MICAL3: variants seen among roughly 807,000 people sequenced by gnomAD.
The protein encoded by MICAL3 is [F-actin]-monooxygenase MICAL3.
Under a neutral mutation model 207.4 loss-of-function variants are expected in MICAL3, and 62 were observed. The observed-to-expected ratio is 0.30, with a 90% CI of 0.24 to 0.37. The LOEUF (loss-of-function observed/expected upper bound fraction) is 0.37. Ranked by LOEUF, MICAL3 falls within the 10% of genes least tolerant of loss-of-function variation. The pLI is 1.00. For synonymous variants in MICAL3, 1,077 were observed against 1,069.3 expected (o/e 1.01, Z -0.14); for missense variants, 2,368 against 2,635.6 (o/e 0.90, Z 2.22).
At chr22:17,899,592 G>T (rs543506229) in intron 6 of MICAL3, 44 bp from the exon 7 acceptor site, 41 of 1,287,300 alleles carry the variant, frequency 3.2e-5, no homozygotes, top group Admixed American at 5.8e-5. Context: ...TTGCTGAGAT[G>T]AAGGTGCATC....
intron 19 of MICAL3, among the ~76,000 whole-genome samples, chr22:17,849,688 ATTTT>A (rs57344653): frequency 3.5e-3 from 127 of 36,282 alleles, no homozygotes; most frequent in African/African-American, 0.013. Flanking sequence ...GTGTGTGTGT[ATTTT>A]TTTTTTTTTT....
Position 17,889,095 on chromosome 22 carries a change from C to G in MICAL3, c.1830G>C (p.Leu610=). 6.2e-7 allele frequency: 1 copy of G among 1,613,776 alleles called. No homozygotes were observed. Residue 610 remains leucine, a synonymous_variant, in exon 13 of 32, where the codon CTG becomes CTC. Transcript: ENST00000441493. The stretch of plus-strand genomic sequence containing the variant: ...ACTGAGTCAGGTACATCACCATGGA[C>G]AGCTTATCAGGCTCCCCCACGGAGG... ...EMASVGEPDK[L]SMVMYLTQFY...
At chr22:17,974,299 AT>A (rs1935540001) in intron 1 of MICAL3, among the ~76,000 whole-genome samples, 1 of 152,214 alleles carries the variant, frequency 6.6e-6, no homozygotes, top group South Asian at 2.1e-4. Context: ...AAGTGATGGT[AT>A]GTACAGCAGA....
chr22:17,882,085 G>A (rs959819924), intron 16 of MICAL3, among the ~76,000 whole-genome samples: 1 of 152,168 alleles, frequency 6.6e-6, no homozygotes, highest in Non-Finnish European at 1.5e-5. Context: ...GAGGTCTGGG[G>A]AAACAGCCCC....
intron 25 of MICAL3, among the ~76,000 whole-genome samples, chr22:17,820,483 T>C (rs1921453750): frequency 6.6e-6 from 1 of 152,110 alleles, no homozygotes; most frequent in African/African-American, 2.4e-5. Flanking sequence ...GCCTCCTGAG[T>C]AGCTGGGACT....
At chr22:17,999,091 C>T (rs11703382) in intron 1 of MICAL3, among the ~76,000 whole-genome samples, 48,016 of 152,004 alleles carry the variant, frequency 0.32, 9,197 homozygotes, top group African/African-American at 0.54. Context: ...GGGCCACTTC[C>T]CAGAAGCCAG....
chr22:17,970,229 G>C (rs61451998), intron 1 of MICAL3, among the ~76,000 whole-genome samples: 67 of 152,306 alleles, frequency 4.4e-4, no homozygotes, highest in African/African-American at 1.5e-3. Flanking sequence ...ACTGTCCCCC[G>C]CCCATGTTGT....
intron 25 of MICAL3, 88 bp from the exon 26 acceptor site, chr22:17,819,217 C>G: frequency 7.5e-7 from 1 of 1,325,940 alleles, no homozygotes; most frequent in Non-Finnish European, 9.8e-7. Context: ...CTCAAAGTGC[C>G]TGCACCTGTG....
intron 1 of MICAL3, among the ~76,000 whole-genome samples, chr22:17,942,711 T>A (rs1933869488): frequency 6.6e-6 from 1 of 152,156 alleles, no homozygotes; most frequent in Admixed American, 6.5e-5. Context: ...CAGCTATAGA[T>A]GACAAGCACC....
At position 17,895,308 on chromosome 22, in the gene MICAL3, G is replaced by A. The variant is rs752542950; in HGVS notation, c.1425C>T (p.Asn475=). 6.8e-6 allele frequency: 11 copies of A among 1,613,634 alleles called. No homozygotes were observed. Among genetic ancestry groups the A allele is most frequent in the East Asian group, 2.2e-5 (1 of 44,892 alleles). ...IDPVTRYPNI[N]VNFLRPSQVR... is the part of the protein sequence containing the mutation. The stretch of plus-strand genomic sequence containing the variant: ...CCTGGCTTGGCCGGAGGAAGTTGAC[G>A]TTGATATTGGGATACCGAGTGACAG... Residue 475 remains asparagine (N), a synonymous_variant, in exon 10 of 32, where the codon AAC becomes AAT. Transcript: ENST00000441493.
At chr22:17,799,221 A>G (rs2061911147) in intron 29 of MICAL3, among the ~76,000 whole-genome samples, 2 of 152,110 alleles carry the variant, frequency 1.3e-5, no homozygotes, top group Admixed American at 6.5e-5. Flanking sequence ...CGTCTCTACT[A>G]AAAACACAAA....
chr22:17,863,847 C>A (rs1926780308), intron 19 of MICAL3: 2 of 985,378 alleles, frequency 2.0e-6, no homozygotes, highest in Non-Finnish European at 2.4e-6. Flanking sequence ...AATTCTATGA[C>A]CAACTCCTCC....
rs1373919614 is a variant in MICAL3, at chr22:17,817,359, C to A, written c.5302G>T (p.Ala1768Ser). 6.2e-7 allele frequency: 1 copy of A among 1,610,840 alleles called. No homozygotes were observed. The highest frequency in any genetic ancestry group is 1.1e-5 in the South Asian group (1 of 90,676). ...CTGTGCTTTCCAGAGTCCACCGTGGCCCCGCTGGAGGGGGTGCTGGGGCAG... is the reference window on the plus strand; with the variant it reads ...CTGTGCTTTCCAGAGTCCACCGTGGACCCGCTGGAGGGGGTGCTGGGGCAG... ...KSCPSTPSSG[A>S]TVDSGKHRVL... Residue 1768 changes from alanine to serine, a missense_variant, in exon 26 of 32, where the codon GCC (alanine) becomes TCC (serine). Physicochemically the swap from Ala to Ser is moderately conservative, Grantham distance 99. Around this residue, in one of 4 missense-constraint regions of MICAL3, gnomAD observed 1,770 missense variants for 1,863.2 expected, o/e 0.95. Transcript: ENST00000441493.
chr22:17,880,500 C>G (rs117082499), intron 16 of MICAL3, among the ~76,000 whole-genome samples: 1 of 152,210 alleles, frequency 6.6e-6, no homozygotes, highest in Non-Finnish European at 1.5e-5. Flanking sequence ...CACGTTAATA[C>G]GGTCACACTT....
chr22:17,802,154 C>T (rs1425850559), intron 29 of MICAL3, among the ~76,000 whole-genome samples: 1 of 151,926 alleles, frequency 6.6e-6, no homozygotes, highest in African/African-American at 2.4e-5. Context: ...CCTCAAACTC[C>T]TGGGCTCATG....
chr22:17,897,751 G>A (rs189458752), intron 7 of MICAL3, among the ~76,000 whole-genome samples: 1 of 152,218 alleles, frequency 6.6e-6, no homozygotes, highest in Non-Finnish European at 1.5e-5. Flanking sequence ...ATGGAGGTGG[G>A]AGCAATGGTA....
At chr22:17,846,246 C>T (rs1025663794) in intron 19 of MICAL3, among the ~76,000 whole-genome samples, 6 of 152,308 alleles carry the variant, frequency 3.9e-5, no homozygotes, top group African/African-American at 7.2e-5. Flanking sequence ...GACAAGGACA[C>T]GGAAGCACAC....
chr22:17,861,482 C>A (rs978254308), intron 19 of MICAL3: 2 of 985,338 alleles, frequency 2.0e-6, no homozygotes, highest in African/African-American at 1.7e-5. Context: ...GCTATGCCTT[C>A]GGCTTCCCTA....
chr22:17,823,585 G>A (rs1317531679), intron 22 of MICAL3, among the ~76,000 whole-genome samples: 1 of 119,510 alleles, frequency 8.4e-6, no homozygotes, highest in Non-Finnish European at 1.7e-5. Flanking sequence ...AGCAGACCTC[G>A]TGGTGACAGT....
Sources: gnomAD v4.1 joint callset for allele counts (sites outside exome capture counted in the v4.1 genomes callset) on GRCh38, gnomAD v4.1.1 for gene constraint, gnomAD v4.1.1 regional missense constraint, MANE v1.5 for transcripts, NCBI Gene and HGNC (gene_info 2026-07-23, HGNC 2026-07-21) for gene names.